The following CDH12 variants were observed in gnomAD, a reference collection of about 807,000 sequenced individuals.
CDH12 encodes the protein cadherin 12.
In CDH12, 41 loss-of-function variants were observed where a neutral mutation model predicts 74.1. The observed-to-expected ratio is 0.55, with a 90% CI of 0.43 to 0.72. CDH12 has a LOEUF of 0.72. Among genes scored for constraint, CDH12 ranks in the 30% least tolerant of loss-of-function variants. The pLI is 0.00. For synonymous variants in CDH12, 399 were observed against 355.0 expected, an observed-to-expected ratio of 1.12 and a Z score of -1.39; for missense variants, 945 against 977.2, an observed-to-expected ratio of 0.97 and a Z score of 0.44.
intron 1 of CDH12, among the ~76,000 whole-genome samples, chr5:22,562,133 C>T (rs566215870): frequency 2.6e-5 from 4 of 151,890 alleles, no homozygotes; most frequent in Non-Finnish European, 4.4e-5. Context: ...CCAGCTAAAA[C>T]GGTGAAACCC....
At chr5:22,598,248 T>A (rs562722226) in intron 1 of CDH12, among the ~76,000 whole-genome samples, 1 of 152,302 alleles carries the variant, frequency 6.6e-6, no homozygotes, top group South Asian at 2.1e-4. Flanking sequence ...CATATTGATA[T>A]GGTTAGGCTG....
In CDH12 at chr5:22,458,354, T is replaced by C. The variant is rs780815994; in HGVS notation, c.-428+46916A>G. Among the ~76,000 whole-genome samples, 37 of 152,262 alleles carry C rather than the reference T, an allele frequency of 2.4e-4. No individual in the cohort carries two copies. The South Asian group carries it at 2.7e-3, about 11-fold the overall frequency. ...AGCAATATTGGATTAGATCCCATCC[T>C]AAAAAAACTCATCTTAACTTGATTC... is the stretch of plus-strand genomic sequence containing the variant. On this transcript the variant is annotated intron_variant, in intron 2 of 14. Coordinates refer to ENST00000382254, the MANE Select transcript of CDH12 (RefSeq NM_004061.5).
chr5:22,783,971 A>C (rs1468075938), intron 1 of CDH12, among the ~76,000 whole-genome samples: 1 of 152,100 alleles, frequency 6.6e-6, no homozygotes, highest in East Asian at 1.9e-4. Context: ...TAAAATCAGA[A>C]ATATATATTT....
chr5:22,257,368 G>A (rs559959386), intron 3 of CDH12, among the ~76,000 whole-genome samples: 8 of 151,728 alleles, frequency 5.3e-5, no homozygotes, highest in East Asian at 3.9e-4. Context: ...ATTAAAAATC[G>A]AGAAAAGCTT....
chr5:21,898,054 A>T (rs1283380495), intron 6 of CDH12, among the ~76,000 whole-genome samples: 1 of 151,784 alleles, frequency 6.6e-6, no homozygotes, highest in Non-Finnish European at 1.5e-5. Flanking sequence ...TTTCTTAATG[A>T]CAGGCATGAC....
At chr5:22,471,991 G>T (rs1038857927) in intron 2 of CDH12, among the ~76,000 whole-genome samples, 1 of 152,128 alleles carries the variant, frequency 6.6e-6, no homozygotes, top group Non-Finnish European at 1.5e-5. Flanking sequence ...ACAGTAAGAA[G>T]GTCACTGGGT....
chr5:22,151,019 G>T (rs1182694833), intron 4 of CDH12, among the ~76,000 whole-genome samples: 1 of 152,280 alleles, frequency 6.6e-6, no homozygotes, highest in Non-Finnish European at 1.5e-5. Flanking sequence ...TAAGAAATGA[G>T]ATTTAGCAGC....
In CDH12 at chr5:22,540,161, AT is replaced by A. The variant is rs369394287; in HGVS notation, c.-522-34798del. ...CAATTTTATATTTTACATTATCAAA[AT>A]ATCACACAAAATTGAGGGATAAATA... On this transcript the variant is annotated intron_variant, in intron 1 of 14. Transcript: ENST00000382254. Among the ~76,000 whole-genome samples, 972 of 152,276 alleles carry A rather than the reference AT, an allele frequency of 6.4e-3. 12 individuals carry two copies. Among genetic ancestry groups the A allele is most frequent in the African/African-American group, 0.022 (921 of 41,562 alleles).
intron 11 of CDH12, chr5:21,774,639 T>C (rs1745491649): frequency 6.6e-6 from 1 of 152,184 alleles, no homozygotes; most frequent in Non-Finnish European, 1.5e-5. Context: ...ACACTTATCT[T>C]TCTTTGAGAA....
At chr5:22,090,876 AAT>A (rs1480332272) in intron 4 of CDH12, among the ~76,000 whole-genome samples, 1 of 152,058 alleles carries the variant, frequency 6.6e-6, no homozygotes, top group Non-Finnish European at 1.5e-5. Context: ...GATAATTTTC[AAT>A]ATGTTTTATT....
intron 1 of CDH12, among the ~76,000 whole-genome samples, chr5:22,697,974 A>G (rs1173513026): frequency 6.6e-6 from 1 of 152,034 alleles, no homozygotes; most frequent in East Asian, 1.9e-4. Context: ...CACCCCCAGG[A>G]CTGGAAGAAA....
At chr5:22,542,069 A>G (rs1209678976) in intron 1 of CDH12, among the ~76,000 whole-genome samples, 1 of 152,230 alleles carries the variant, frequency 6.6e-6, no homozygotes, top group Non-Finnish European at 1.5e-5. Flanking sequence ...CATGCATTAG[A>G]GGAATGACTA....
At chr5:22,052,764 A>C (rs1156891872) in intron 5 of CDH12, among the ~76,000 whole-genome samples, 2 of 152,074 alleles carry the variant, frequency 1.3e-5, no homozygotes, top group Admixed American at 6.6e-5. Context: ...ACATTTATTA[A>C]ATTTATCTTT....
chr5:22,743,353 A>G (rs1233378308), intron 1 of CDH12, among the ~76,000 whole-genome samples: 1 of 150,632 alleles, frequency 6.6e-6, no homozygotes, highest in Non-Finnish European at 1.5e-5. Context: ...TCTCTGGAGA[A>G]CTCTGATGAA....
intron 1 of CDH12, among the ~76,000 whole-genome samples, chr5:22,794,127 G>A (rs899843703): frequency 2.0e-5 from 3 of 152,042 alleles, no homozygotes; most frequent in African/African-American, 4.8e-5. Context: ...AAATGACAAC[G>A]GTACTGAAAA....
chr5:22,093,506 GAAGT>G (rs1561102209), intron 4 of CDH12, among the ~76,000 whole-genome samples: 2 of 152,258 alleles, frequency 1.3e-5, no homozygotes, highest in Middle Eastern at 3.4e-3. Flanking sequence ...GCAAATGAAA[GAAGT>G]CAGTTATAAA....
At chr5:21,767,024 A>C (rs928982967) in intron 11 of CDH12, among the ~76,000 whole-genome samples, 3 of 151,884 alleles carry the variant, frequency 2.0e-5, no homozygotes, top group African/African-American at 7.2e-5. Context: ...TTAGATGAAA[A>C]AATAAACCAC....
At chr5:22,839,684 G>C (rs149011316) in intron 1 of CDH12, among the ~76,000 whole-genome samples, 1 of 151,852 alleles carries the variant, frequency 6.6e-6, no homozygotes, top group African/African-American at 2.4e-5. Context: ...TACCCTTCAC[G>C]GTTTATAAAC....
intron 1 of CDH12, among the ~76,000 whole-genome samples, chr5:22,529,222 G>A (rs1435017267): frequency 6.9e-6 from 1 of 144,234 alleles, no homozygotes; most frequent in East Asian, 2.0e-4. Context: ...GAGAGAGAGA[G>A]AGAAGAGAGA....
Sources: gnomAD v4.1 joint callset for allele counts (sites outside exome capture counted in the v4.1 genomes callset) on GRCh38, gnomAD v4.1.1 for gene constraint, MANE v1.5 for transcripts, NCBI Gene and HGNC (gene_info 2026-07-23, HGNC 2026-07-21) for gene names.